The following RABGAP1L variants were observed in gnomAD, a reference collection of about 807,000 sequenced individuals.
RABGAP1L encodes the protein RAB GTPase activating protein 1 like.
Under a neutral mutation model 137.7 loss-of-function variants are expected in RABGAP1L, and 63 were observed. The observed-to-expected ratio is 0.46, with a 90% CI of 0.37 to 0.56. RABGAP1L has a LOEUF of 0.56. Ranked by LOEUF, RABGAP1L falls within the 20% of genes least tolerant of loss-of-function variation. The probability of loss-of-function intolerance (pLI) is 0.00; values close to 1 mark genes in which losing one functional copy is unlikely to be tolerated. For synonymous variants in RABGAP1L, 431 were observed against 433.7 expected, an observed-to-expected ratio of 0.99 and a Z score of 0.08; for missense variants, 1,095 against 1,244.0, an observed-to-expected ratio of 0.88 and a Z score of 1.80.
intron 12 of RABGAP1L, among the ~76,000 whole-genome samples, chr1:174,377,583 G>C (rs1229240082): frequency 6.6e-6 from 1 of 152,000 alleles, no homozygotes; most frequent in African/African-American, 2.4e-5. Context: ...CATACAAATG[G>C]CCAAGTAGCA....
intron 15 of RABGAP1L, among the ~76,000 whole-genome samples, chr1:174,693,066 G>A (rs1322529492): frequency 6.6e-6 from 1 of 152,136 alleles, no homozygotes; most frequent in Non-Finnish European, 1.5e-5. Flanking sequence ...AGGAATGATT[G>A]AATATAGGTT....
chr1:174,461,035 T>G (rs1023061894), intron 13 of RABGAP1L, among the ~76,000 whole-genome samples: 1 of 152,238 alleles, frequency 6.6e-6, no homozygotes, highest in South Asian at 2.1e-4. Context: ...TTAAGAACAC[T>G]GAATTCTGTC....
At chr1:174,805,085 C>G in intron 18 of RABGAP1L, among the ~76,000 whole-genome samples, 1 of 152,292 alleles carries the variant, frequency 6.6e-6, no homozygotes, top group Admixed American at 6.5e-5. Flanking sequence ...AAATACACTC[C>G]ATAATTTCCA....
At chr1:174,706,839 G>A (rs547751483) in intron 17 of RABGAP1L, among the ~76,000 whole-genome samples, 7 of 152,182 alleles carry the variant, frequency 4.6e-5, no homozygotes, top group South Asian at 2.1e-4. Flanking sequence ...CATACAATAC[G>A]AACTCTTTTC....
At chr1:174,175,660 C>T (rs1297781794) in intron 1 of RABGAP1L, among the ~76,000 whole-genome samples, 20 of 143,766 alleles carry the variant, frequency 1.4e-4, no homozygotes, top group Non-Finnish European at 1.5e-5. Flanking sequence ...GAGTCTTGCT[C>T]AGTTGCCCAG....
At chr1:174,621,518 G>A (rs1672467672) in intron 13 of RABGAP1L, among the ~76,000 whole-genome samples, 1 of 152,126 alleles carries the variant, frequency 6.6e-6, no homozygotes, top group East Asian at 1.9e-4. Context: ...ATAGACCAAT[G>A]GAACAGAACA....
chr1:174,673,287 AT>A (rs1677324882), intron 14 of RABGAP1L, among the ~76,000 whole-genome samples: 1 of 152,210 alleles, frequency 6.6e-6, no homozygotes, highest in Non-Finnish European at 1.5e-5. Context: ...TTAGATAACG[AT>A]TCCCATGATC....
intron 1 of RABGAP1L, among the ~76,000 whole-genome samples, chr1:174,178,805 G>A (rs1026706917): frequency 5.3e-5 from 8 of 152,156 alleles, no homozygotes; most frequent in African/African-American, 1.7e-4. Flanking sequence ...ACCCAGGCAG[G>A]GGAACATCAC....
chr1:174,185,972 C>T lies in RABGAP1L; in HGVS notation c.-34+26315C>T, dbSNP rs141465108. ...CAGCCTGACCAACATGGAGAAACCC[C>T]GTCTTTACTAAAAATACAAAATTAG... is the stretch of plus-strand genomic sequence containing the variant. On this transcript the variant is annotated intron_variant, in intron 1 of 25. Coordinates refer to ENST00000681986, the MANE Select transcript of RABGAP1L (RefSeq NM_001366446.1). 6.9e-4 allele frequency among the ~76,000 whole-genome samples: 105 copies of T among 152,058 alleles called. No individual in the cohort carries two copies. In the East Asian group the frequency reaches 0.016, roughly 23 times the overall value.
intron 13 of RABGAP1L, among the ~76,000 whole-genome samples, chr1:174,443,636 G>A (rs1654402803): frequency 6.6e-6 from 1 of 151,950 alleles, no homozygotes; most frequent in Non-Finnish European, 1.5e-5. Flanking sequence ...TAGGTTGCCT[G>A]TTCACCGTGT....
At chr1:174,743,707 CAG>C (rs998531627) in intron 17 of RABGAP1L, among the ~76,000 whole-genome samples, 3 of 151,932 alleles carry the variant, frequency 2.0e-5, no homozygotes, top group African/African-American at 2.4e-5. Context: ...AAATTCTTCT[CAG>C]AGTCACCTAT....
chr1:174,691,761 T>C (rs1303901647), intron 15 of RABGAP1L, among the ~76,000 whole-genome samples: 2 of 152,222 alleles, frequency 1.3e-5, no homozygotes, highest in Non-Finnish European at 2.9e-5. Context: ...ATAAATTGGA[T>C]AAATTGGATT....
At chr1:174,589,180 T>C (rs1669360798) in intron 13 of RABGAP1L, among the ~76,000 whole-genome samples, 2 of 152,234 alleles carry the variant, frequency 1.3e-5, no homozygotes, top group African/African-American at 4.8e-5. Context: ...GTAGTTTTAA[T>C]TTCCATTTCT....
intron 15 of RABGAP1L, among the ~76,000 whole-genome samples, chr1:174,686,951 G>C (rs941862320): frequency 6.6e-6 from 1 of 151,724 alleles, no homozygotes; most frequent in African/African-American, 2.4e-5. Flanking sequence ...GAGCCACCAC[G>C]CCTGGCCACA....
At chr1:174,579,283 G>A (rs1189287634) in intron 13 of RABGAP1L, among the ~76,000 whole-genome samples, 1 of 152,128 alleles carries the variant, frequency 6.6e-6, no homozygotes, top group Non-Finnish European at 1.5e-5. Context: ...GAAGGGAGTT[G>A]GAGACCAGAT....
intron 18 of RABGAP1L, among the ~76,000 whole-genome samples, chr1:174,767,678 T>G (rs1685786187): frequency 6.6e-6 from 1 of 152,158 alleles, no homozygotes; most frequent in South Asian, 2.1e-4. Context: ...TTGAACTCAT[T>G]TTCAGCTTTA....
chr1:174,271,310 A>G (rs529505787), intron 7 of RABGAP1L, among the ~76,000 whole-genome samples: 1 of 152,118 alleles, frequency 6.6e-6, no homozygotes, highest in African/African-American at 2.4e-5. Context: ...AGGACCAGTG[A>G]TCTTGCTCAT....
At chr1:174,763,432 C>T (rs1268334109) in intron 18 of RABGAP1L, among the ~76,000 whole-genome samples, 2 of 140,538 alleles carry the variant, frequency 1.4e-5, no homozygotes, top group African/African-American at 2.6e-5. Context: ...GGGCGGATCA[C>T]GAGGTCAGGA....
chr1:174,249,801 C>T (rs573850424), intron 5 of RABGAP1L, among the ~76,000 whole-genome samples: 60 of 152,122 alleles, frequency 3.9e-4, no homozygotes, highest in African/African-American at 1.3e-3. Flanking sequence ...CACCACCATG[C>T]CCTGCTAATT....
Sources: allele counts gnomAD v4.1 joint callset (sites outside exome capture counted in the v4.1 genomes callset), GRCh38; gene constraint gnomAD v4.1.1; transcripts MANE v1.5; gene names NCBI Gene and HGNC (gene_info 2026-07-23, HGNC 2026-07-21).